C16orf78: variants seen among roughly 807,000 people sequenced by gnomAD.
The protein encoded by C16orf78 is chromosome 16 open reading frame 78.
Under a neutral mutation model 27.3 loss-of-function variants are expected in C16orf78, and 19 were observed. The observed-to-expected ratio is 0.70, with a 90% CI of 0.49 to 1.02. The LOEUF (loss-of-function observed/expected upper bound fraction) is 1.02. Among genes scored for constraint, C16orf78 ranks in the 50% least tolerant of loss-of-function variants. C16orf78 has a pLI of 0.00. For missense variants in C16orf78, 339 were observed against 337.0 expected, an observed-to-expected ratio of 1.01 and a Z score of -0.05; for synonymous variants, 130 against 116.1, an observed-to-expected ratio of 1.12 and a Z score of -0.77.
chr16:49,391,109 A>T (rs904559949), intron 3 of C16orf78, among the ~76,000 whole-genome samples: 6 of 152,200 alleles, frequency 3.9e-5, no homozygotes, highest in African/African-American at 1.4e-4. Context: ...CAAAACATAA[A>T]CCTTATTGAG....
At chr16:49,390,825 G>A (rs574454262) in intron 3 of C16orf78, among the ~76,000 whole-genome samples, 1 of 152,248 alleles carries the variant, frequency 6.6e-6, no homozygotes, top group East Asian at 1.9e-4. Flanking sequence ...CCAACTCAAG[G>A]GGACTGCTAG....
intron 1 of C16orf78, among the ~76,000 whole-genome samples, chr16:49,375,637 C>T (rs966077343): frequency 6.6e-6 from 1 of 152,342 alleles, no homozygotes; most frequent in Middle Eastern, 3.4e-3. Context: ...GAGATTACAA[C>T]TTGACATGAG....
chr16:49,384,575 C>T (rs1213664993), intron 3 of C16orf78, among the ~76,000 whole-genome samples: 1 of 150,680 alleles, frequency 6.6e-6, no homozygotes, highest in Admixed American at 6.6e-5. Context: ...GCAAGTGAAA[C>T]AATACATATT....
rs1440144976 is a variant in C16orf78 at position 49,397,481 on chromosome 16, TG to T, written c.650+805del. 8.3e-4 allele frequency among the ~76,000 whole-genome samples: 126 copies of T among 152,280 alleles called. 1 individual carries two copies. Among genetic ancestry groups the T allele is most frequent in the African/African-American group, 3.0e-3 (123 of 41,566 alleles). On this transcript the variant is annotated intron_variant, in intron 4 of 4. Transcript: ENST00000299191. ...CTCTGCTCACTGACTGGCAGAAGGA[TG>T]GATGAATAGAATGGTTAACTGGCTT...
intron 3 of C16orf78, among the ~76,000 whole-genome samples, chr16:49,378,925 T>C (rs576736949): frequency 2.0e-5 from 3 of 152,290 alleles, no homozygotes; most frequent in African/African-American, 7.2e-5. Context: ...AATCATCTAA[T>C]TAATTTAGAT....
chr16:49,375,525 G>T (rs1415378304), intron 1 of C16orf78, among the ~76,000 whole-genome samples: 1 of 152,074 alleles, frequency 6.6e-6, no homozygotes, highest in Non-Finnish European at 1.5e-5. Context: ...GATCTCACGA[G>T]AACTCTCGCC....
chr16:49,392,228 A>G (rs1213270074), intron 3 of C16orf78, among the ~76,000 whole-genome samples: 1 of 152,236 alleles, frequency 6.6e-6, no homozygotes, highest in Admixed American at 6.5e-5. Context: ...GCACATATGC[A>G]TTACTAAGAG....
chr16:49,388,250 G>C (rs1965373246), intron 3 of C16orf78, among the ~76,000 whole-genome samples: 1 of 152,132 alleles, frequency 6.6e-6, no homozygotes, highest in South Asian at 2.1e-4. Flanking sequence ...TTTTCTGCTA[G>C]TTTTGGGGTT....
chr16:49,379,697 G>C (rs1268859352), intron 3 of C16orf78, among the ~76,000 whole-genome samples: 1 of 152,102 alleles, frequency 6.6e-6, no homozygotes, highest in East Asian at 1.9e-4. Context: ...TCTTAGTCGT[G>C]ACAAACATGC....
intron 3 of C16orf78, among the ~76,000 whole-genome samples, chr16:49,389,625 C>G (rs1488767949): frequency 6.6e-6 from 1 of 152,080 alleles, no homozygotes; most frequent in Non-Finnish European, 1.5e-5. Flanking sequence ...TTTAGTGATT[C>G]TGTTACAGTG....
intron 3 of C16orf78, among the ~76,000 whole-genome samples, chr16:49,383,384 T>G (rs1398456405): frequency 6.6e-6 from 1 of 152,242 alleles, no homozygotes; most frequent in Non-Finnish European, 1.5e-5. Context: ...CAATGTTAGC[T>G]TGGGTTGCCA....
Position 49,399,371 on chromosome 16 carries a change from C to A in C16orf78, c.*93C>A. The A allele has an allele frequency of 7.1e-7, 1 of 1,401,962 alleles. No individual in the cohort carries two copies. Among genetic ancestry groups the A allele is most frequent in the Non-Finnish European group, 9.8e-7 (1 of 1,018,044 alleles). The allele number at this position is 1,401,962 out of a possible 1,614,324, so 86.8% of individuals were successfully genotyped here. On this transcript the variant is annotated 3_prime_UTR_variant, in exon 5 of 5. Transcript: ENST00000299191. ...TCTGGCACACTACAAGTGGTCCTTC[C>A]AACTTAGTGCATCCCTTTAGAAAGT... is the stretch of plus-strand genomic sequence containing the variant.
At chr16:49,377,384 G>T (rs1965232354) in intron 1 of C16orf78, among the ~76,000 whole-genome samples, 1 of 152,140 alleles carries the variant, frequency 6.6e-6, no homozygotes, top group Admixed American at 6.5e-5. Context: ...GGAGGCAGGG[G>T]CAGGGAAGTC....
At chr16:49,382,507 A>C (rs1335067631) in intron 3 of C16orf78, among the ~76,000 whole-genome samples, 1 of 152,066 alleles carries the variant, frequency 6.6e-6, no homozygotes, top group African/African-American at 2.4e-5. Flanking sequence ...TGATTATTAG[A>C]CTCCCTTGTT....
At chr16:49,398,717 A>C (rs776330010) in intron 4 of C16orf78, among the ~76,000 whole-genome samples, 20 of 152,188 alleles carry the variant, frequency 1.3e-4, no homozygotes, top group African/African-American at 4.6e-4. Context: ...GATCCTTGAC[A>C]TGAGGTAGTC....
intron 4 of C16orf78, 130 bp downstream of exon 4, chr16:49,396,808 C>T (rs527813178): frequency 4.3e-5 from 55 of 1,269,190 alleles, no homozygotes; most frequent in Middle Eastern, 2.8e-4. Context: ...GGCTGAGCTC[C>T]GCCCTTTGGT....
intron 3 of C16orf78, among the ~76,000 whole-genome samples, chr16:49,392,341 C>T (rs1441009380): frequency 2.0e-5 from 3 of 152,202 alleles, no homozygotes; most frequent in Non-Finnish European, 4.4e-5. Flanking sequence ...ATCAGCCATA[C>T]ATTCCTTCAT....
At chr16:49,398,499 G>T (rs1040142619) in intron 4 of C16orf78, among the ~76,000 whole-genome samples, 4 of 152,202 alleles carry the variant, frequency 2.6e-5, no homozygotes, top group Admixed American at 2.6e-4. Flanking sequence ...AAAAACAAAT[G>T]CTCACCGCTA....
intron 3 of C16orf78, among the ~76,000 whole-genome samples, chr16:49,380,029 C>T (rs1339334378): frequency 1.3e-5 from 2 of 152,200 alleles, no homozygotes; most frequent in Admixed American, 6.5e-5. Context: ...CTCTGGCCTT[C>T]GTCTTTCTCC....
Sources: gnomAD v4.1 joint callset for allele counts (sites outside exome capture counted in the v4.1 genomes callset) on GRCh38, gnomAD v4.1.1 for gene constraint, MANE v1.5 for transcripts, NCBI Gene and HGNC (gene_info 2026-07-23, HGNC 2026-07-21) for gene names.